The following LHX2 variants were observed in gnomAD, a reference collection of about 807,000 sequenced individuals.
LHX2 encodes the protein LIM/homeobox protein Lhx2.
In LHX2, 6 loss-of-function variants were observed where a neutral mutation model predicts 33.0. That is an observed-to-expected ratio of 0.18 (90% CI 0.10 to 0.36). The LOEUF is 0.36. Among genes scored for constraint, LHX2 ranks in the 10% least tolerant of loss-of-function variants. The probability of loss-of-function intolerance (pLI) is 1.00; values close to 1 mark genes in which losing one functional copy is unlikely to be tolerated. For missense variants in LHX2, 442 were observed against 586.2 expected, an observed-to-expected ratio of 0.75 and a Z score of 2.54; for synonymous variants, 292 against 253.1, an observed-to-expected ratio of 1.15 and a Z score of -1.46.
At chr9:124,019,219 G>T (rs1859250243) in intron 3 of LHX2, among the ~76,000 whole-genome samples, 2 of 152,204 alleles carry the variant, frequency 1.3e-5, no homozygotes, top group Non-Finnish European at 2.9e-5. Context: ...GAGTGCCGGT[G>T]GAAAGAGGCC....
chr9:124,032,483 G>A lies in LHX2; in HGVS notation c.997G>A (p.Val333Met), dbSNP rs151109428. 1.3e-4 allele frequency: 216 copies of A among 1,611,342 alleles called. 1 individual carries two copies. The highest frequency in any genetic ancestry group is 1.0e-3 in the African/African-American group (75 of 74,914). ...CCTCTTACGGCAGGAAAACACGGGC[G>A]TGGACAAGTCGACAGACGCGGCGCT... ...RNLLRQENTGVDKSTDAALQT... is the reference protein window; with the variant it reads ...RNLLRQENTGMDKSTDAALQT... The change falls in exon 5 of 5, where the codon GTG (valine) becomes ATG (methionine). Residue 333 changes from valine to methionine, a missense_variant. By Grantham distance (21) the Val-to-Met change is conservative (BLOSUM62 1). Coordinates refer to ENST00000373615, the MANE Select transcript of LHX2 (RefSeq NM_004789.4). The surrounding 1 kb of genome is among the most constrained non-coding windows in gnomAD (Gnocchi z 4.1).
chr9:124,032,490 A>G lies in LHX2; in HGVS notation c.1004A>G (p.Lys335Arg). The G allele has an allele frequency of 1.2e-6, 2 of 1,612,254 alleles. No individual in the cohort carries two copies. The highest frequency in any genetic ancestry group is 1.7e-6 in the Non-Finnish European group (2 of 1,179,906). ...LLRQENTGVD[K>R]STDAALQTGT... ...CGGCAGGAAAACACGGGCGTGGACA[A>G]GTCGACAGACGCGGCGCTGCAGACA... Residue 335 changes from lysine (K) to arginine (R), a missense_variant, in exon 5 of 5, where the codon AAG becomes AGG. By Grantham distance (26) the Lys-to-Arg change is conservative. Coordinates refer to ENST00000373615, the MANE Select transcript of LHX2 (RefSeq NM_004789.4). The surrounding 1 kb of genome is among the most constrained non-coding windows in gnomAD (Gnocchi z 4.1).
At chr9:124,028,636 C>A (rs1458575835) in intron 4 of LHX2, among the ~76,000 whole-genome samples, 3 of 152,198 alleles carry the variant, frequency 2.0e-5, no homozygotes, top group Non-Finnish European at 4.4e-5. Flanking sequence ...ATAGTTGCTT[C>A]TCTGTTTCTT....
Position 124,012,533 on chromosome 9 carries a change from G to T in LHX2, c.120+65G>T. Reference sequence around the variant, plus strand: ...TGGGGCCGGGCCAGTCAGCGCCTCTGCTCCCCGAAGTTTGGGGAGCGTCCT... The same window carrying T: ...TGGGGCCGGGCCAGTCAGCGCCTCTTCTCCCCGAAGTTTGGGGAGCGTCCT... On this transcript the variant is annotated intron_variant, in intron 1 of 4. Transcript: ENST00000373615. This position sits in a 1 kb window ranked among gnomAD's most constrained non-coding sequence, Gnocchi z 4.3. 1 of 1,409,756 alleles carries T rather than the reference G, an allele frequency of 7.1e-7. No homozygotes were observed. Among genetic ancestry groups the T allele is most frequent in the Non-Finnish European group, 9.3e-7 (1 of 1,079,474 alleles). 87.3% of individuals were successfully genotyped at this position (1,409,756 alleles called of 1,614,324 possible). A position where few individuals can be genotyped will look rare whatever the true frequency, so the allele number is the denominator to read the frequency against.
At chr9:124,017,738 G>A (rs1387897078) in intron 3 of LHX2, among the ~76,000 whole-genome samples, 1 of 151,934 alleles carries the variant, frequency 6.6e-6, no homozygotes, top group Non-Finnish European at 1.5e-5. Context: ...GGGGCCGAGT[G>A]GGGAGGGGGC....
chr9:124,014,676 T>C lies in LHX2; in HGVS notation c.324-446T>C, dbSNP rs1226561922. On this transcript the variant is annotated intron_variant, in intron 2 of 4. Transcript: ENST00000373615. This position sits in a 1 kb window ranked among gnomAD's most constrained non-coding sequence, Gnocchi z 4.8. ...TTCTCTGTTTCTCCTTCTCCCCAGTTTTAGGATTAGGGTCTATGTATATTC... is the reference window on the plus strand; with the variant it reads ...TTCTCTGTTTCTCCTTCTCCCCAGTCTTAGGATTAGGGTCTATGTATATTC... 6.6e-6 allele frequency among the ~76,000 whole-genome samples: 1 copy of C among 152,146 alleles called. No individual in the cohort carries two copies. Among genetic ancestry groups the C allele is most frequent in the African/African-American group, 2.4e-5 (1 of 41,434 alleles).
intron 4 of LHX2, among the ~76,000 whole-genome samples, chr9:124,028,669 T>C (rs756030732): frequency 6.6e-6 from 1 of 152,218 alleles, no homozygotes; most frequent in Non-Finnish European, 1.5e-5. Flanking sequence ...CACTCATTCA[T>C]GGACTTGCTA....
intron 4 of LHX2, among the ~76,000 whole-genome samples, chr9:124,022,318 G>T (rs1859307154): frequency 6.6e-6 from 1 of 152,188 alleles, no homozygotes; most frequent in Admixed American, 6.5e-5. Context: ...TTGCTCAGTG[G>T]ATGGTAGCCA....
Position 124,015,064 on chromosome 9 carries a change from GA to G in LHX2, c.324-54del. ...GCAGCAGCAGCGGCACCTGGAGGAGGAAAAGGGGGGTACCCAACCGTGTGTT... is the reference window on the plus strand; with the variant it reads ...GCAGCAGCAGCGGCACCTGGAGGAGGAAAGGGGGGTACCCAACCGTGTGTT... On this transcript the variant is annotated intron_variant, in intron 2 of 4. Transcript: ENST00000373615. The surrounding 1 kb of genome is among the most constrained non-coding windows in gnomAD (Gnocchi z 7.9). The G allele has an allele frequency of 1.3e-6, 2 of 1,585,472 alleles. No individual in the cohort carries two copies. Among genetic ancestry groups the G allele is most frequent in the Non-Finnish European group, 1.7e-6 (2 of 1,169,434 alleles).
chr9:124,019,193 G>A (rs1012367347), intron 3 of LHX2, among the ~76,000 whole-genome samples: 2 of 152,230 alleles, frequency 1.3e-5, no homozygotes, highest in African/African-American at 2.4e-5. Flanking sequence ...ATGCAGCCCC[G>A]GGGGTGAGGG....
intron 4 of LHX2, among the ~76,000 whole-genome samples, chr9:124,028,214 T>G (rs937469075): frequency 6.6e-6 from 1 of 152,204 alleles, no homozygotes; most frequent in Non-Finnish European, 1.5e-5. Context: ...GGTCAGGTAG[T>G]GCCTGGGAAG....
intron 4 of LHX2, among the ~76,000 whole-genome samples, chr9:124,025,371 G>C (rs1828598387): frequency 6.6e-6 from 1 of 151,340 alleles, no homozygotes; most frequent in Admixed American, 6.6e-5. Flanking sequence ...AACCCGGGAG[G>C]CGGAGCTTGC....
chr9:124,026,259 G>T (rs953790891), intron 4 of LHX2, among the ~76,000 whole-genome samples: 11 of 152,056 alleles, frequency 7.2e-5, no homozygotes, highest in African/African-American at 2.4e-4. Flanking sequence ...AGGAGTTCAA[G>T]ACCAGCCTCA....
intron 3 of LHX2, among the ~76,000 whole-genome samples, chr9:124,020,320 C>A (rs568370885): frequency 6.6e-6 from 1 of 152,208 alleles, no homozygotes; most frequent in East Asian, 1.9e-4. Flanking sequence ...TGTGGACTGC[C>A]GCAGATCTCT....
At chr9:124,023,074 G>A (rs1374029008) in intron 4 of LHX2, among the ~76,000 whole-genome samples, 1 of 152,214 alleles carries the variant, frequency 6.6e-6, no homozygotes, top group Non-Finnish European at 1.5e-5. Flanking sequence ...TTGCCTTCTT[G>A]GGGTTAGGTC....
At chr9:124,021,074 C>G (rs1183979860) in intron 3 of LHX2, 25 bp from the exon 4 acceptor site, 1 of 1,611,626 alleles carries the variant, frequency 6.2e-7, no homozygotes. Flanking sequence ...GAAGTTCACC[C>G]ACCGGCTCTG....
rs78854860 is a variant in LHX2, at chr9:124,013,275, G to A, written c.121-686G>A. The stretch of plus-strand genomic sequence containing the variant: ...CGGCGCCAGTGTCCTCCCGGCCTCT[G>A]AGCGCTTCTTCGGTTAGACCTTCTC... On this transcript the variant is annotated intron_variant, in intron 1 of 4. Coordinates refer to ENST00000373615, the MANE Select transcript of LHX2 (RefSeq NM_004789.4). Among the ~76,000 whole-genome samples the A allele has an allele frequency of 8.3e-3, 1,266 of 152,362 alleles. 20 individuals carry two copies. The highest frequency in any genetic ancestry group is 0.029 in the African/African-American group (1,188 of 41,590).
In LHX2 at chr9:124,032,399, CT is replaced by C. The variant is rs1828713326; in HGVS notation, c.934-19del. 2 of 1,562,526 alleles carry C rather than the reference CT, an allele frequency of 1.3e-6. No homozygotes were observed. The highest frequency in any genetic ancestry group is 1.3e-5 in the African/African-American group (1 of 74,540). ...TCTGCCTGCCTTCCGCTCACCAGCC[CT>C]TCCCTGTCGTCCCCCGCAGGTCTGG... On this transcript the variant is annotated intron_variant, in intron 4 of 4. Coordinates refer to ENST00000373615, the MANE Select transcript of LHX2 (RefSeq NM_004789.4). This position sits in a 1 kb window ranked among gnomAD's most constrained non-coding sequence, Gnocchi z 4.1.
Position 124,021,138 on chromosome 9 carries a change from G to C in LHX2, c.767G>C (p.Arg256Pro), listed in dbSNP as rs749130254. The change falls in exon 4 of 5, where the codon CGT becomes CCT. Residue 256 changes from arginine to proline, a missense_variant. Arg to Pro is a moderately radical substitution (Grantham distance 103). Transcript: ENST00000373615. ...GAAAACGACGCAGAGCACCTGGACC[G>C]TGACCAGCCATACCCGAGCAGCCAG... is the stretch of plus-strand genomic sequence containing the variant. ...CNENDAEHLD[R>P]DQPYPSSQKT... is the part of the protein sequence containing the mutation. 7.4e-6 allele frequency: 12 copies of C among 1,613,992 alleles called. No individual in the cohort carries two copies. In the South Asian group the frequency reaches 1.3e-4, roughly 18 times the overall value.
Sources: gnomAD v4.1 joint callset for allele counts (sites outside exome capture counted in the v4.1 genomes callset) on GRCh38, gnomAD v4.1.1 for gene constraint, Gnocchi (gnomAD v3.1) non-coding constraint, MANE v1.5 for transcripts, NCBI Gene and HGNC (gene_info 2026-07-23, HGNC 2026-07-21) for gene names.